Variants in BRD1 observed in about 807,000 individuals in gnomAD.
The protein encoded by BRD1 is bromodomain-containing protein 1.
In BRD1, 24 loss-of-function variants were observed where a neutral mutation model predicts 107.7. The observed-to-expected ratio is 0.22, with a 90% confidence interval of 0.16 to 0.31. The LOEUF is 0.31. Ranked by LOEUF, BRD1 falls within the 10% of genes least tolerant of loss-of-function variation. The pLI is 1.00. For missense variants in BRD1, 1,279 were observed against 1,638.6 expected, an observed-to-expected ratio of 0.78 and a Z score of 3.79; for synonymous variants, 744 against 686.1, an observed-to-expected ratio of 1.08 and a Z score of -1.32.
Position 49,823,966 on chromosome 22 carries a change from G to A in BRD1, c.352C>T (p.Pro118Ser), listed in dbSNP as rs756646290. Residue 118 changes from proline to serine, a missense_variant, in exon 2 of 13, where the codon CCG (proline) becomes TCG (serine). Around this residue, in one of 7 missense-constraint regions of BRD1, gnomAD observed 223 missense variants for 263.5 expected, o/e 0.85. Coordinates refer to ENST00000404760, the MANE Select transcript of BRD1 (RefSeq NM_001304808.3). ...TCCACGATGCGCACCTTGGGCTCCGGGAGGGCACTGGCCGAGGCCGGCGTG... is the reference window on the plus strand; with the variant it reads ...TCCACGATGCGCACCTTGGGCTCCGAGAGGGCACTGGCCGAGGCCGGCGTG... ...HGTPASASALPEPKVRIVEYS... is the reference protein window; with the variant it reads ...HGTPASASALSEPKVRIVEYS... 1 of 1,614,064 alleles carries A rather than the reference G, an allele frequency of 6.2e-7. No individual in the cohort carries two copies.
Position 49,824,505 on chromosome 22 carries a change from G to A in BRD1, c.-14-174C>T. 8 of 1,424,378 alleles carry A rather than the reference G, an allele frequency of 5.6e-6. No individual in the cohort carries two copies. Among genetic ancestry groups the A allele is most frequent in the East Asian group, 5.1e-5 (2 of 39,040 alleles). 88.2% of individuals were successfully genotyped at this position (1,424,378 alleles called of 1,614,324 possible). ...AAACCACACATCCAGGCCTGAGCGA[G>A]TCCCCAGGACCAGGGAGGGAGCAGC... On this transcript the variant is annotated intron_variant, in intron 1 of 12. Transcript: ENST00000404760. The surrounding 1 kb of genome is among the most constrained non-coding windows in gnomAD (Gnocchi z 5.9).
At chr22:49,779,011 C>T (rs571702204) in intron 8 of BRD1, among the ~76,000 whole-genome samples, 12 of 152,206 alleles carry the variant, frequency 7.9e-5, no homozygotes, top group Admixed American at 3.3e-4. Context: ...CTACCTACCT[C>T]ATCCTTAAAA....
chr22:49,798,850 C>T, intron 4 of BRD1, 138 bp downstream of exon 4: 1 of 1,435,018 alleles, frequency 7.0e-7, no homozygotes, highest in Non-Finnish European at 9.1e-7. Context: ...GGCAGCCAGG[C>T]ACCCAGCCTG....
At chr22:49,807,961 C>T (rs2059775622) in intron 2 of BRD1, among the ~76,000 whole-genome samples, 1 of 151,996 alleles carries the variant, frequency 6.6e-6, no homozygotes, top group African/African-American at 2.4e-5. Context: ...CACAGAAATG[C>T]AAATCCAAAC....
chr22:49,776,298 C>T (rs1022823989), intron 10 of BRD1, 139 bp from the exon 11 acceptor site: 5 of 710,362 alleles, frequency 7.0e-6, no homozygotes, highest in Admixed American at 2.1e-5. Context: ...ACCCCGGCAG[C>T]ACCACTGCCT....
rs962102859 is a variant in BRD1, at chr22:49,789,296, G to A, written c.2360-1409C>T. 3.3e-5 allele frequency among the ~76,000 whole-genome samples: 5 copies of A among 152,204 alleles called. No individual in the cohort carries two copies. In the East Asian group the frequency reaches 7.7e-4, roughly 23 times the overall value. ...AGGAAAAGGTGTTTGTGAAACACCTGGGAACACTGGCCGGAGGGAACTGGG... is the reference window on the plus strand; with the variant it reads ...AGGAAAAGGTGTTTGTGAAACACCTAGGAACACTGGCCGGAGGGAACTGGG... On this transcript the variant is annotated intron_variant, in intron 7 of 12. Coordinates refer to ENST00000404760, the MANE Select transcript of BRD1 (RefSeq NM_001304808.3).
At chr22:49,818,626 G>A (rs1193825966) in intron 2 of BRD1, among the ~76,000 whole-genome samples, 4 of 152,134 alleles carry the variant, frequency 2.6e-5, no homozygotes, top group African/African-American at 4.8e-5. Context: ...GGTGGCTCAC[G>A]CCTCTAATCC....
In BRD1 at chr22:49,803,670, T is replaced by C. The variant is rs1393193842; in HGVS notation, c.1524+534A>G. Among the ~76,000 whole-genome samples, 1 of 151,996 alleles carries C rather than the reference T, an allele frequency of 6.6e-6. No homozygotes were observed. Among genetic ancestry groups the C allele is most frequent in the Non-Finnish European group, 1.5e-5 (1 of 68,000 alleles). ...AAAAGTCCTGCTCCTTCCCTCCCAC[T>C]CTCTCAGCTCTCTCGAGCCCTCCCC... On this transcript the variant is annotated intron_variant, in intron 3 of 12. Coordinates refer to ENST00000404760, the MANE Select transcript of BRD1 (RefSeq NM_001304808.3). The surrounding 1 kb of genome is among the most constrained non-coding windows in gnomAD (Gnocchi z 4.4).
At chr22:49,802,147 GC>G (rs2059654524) in intron 3 of BRD1, among the ~76,000 whole-genome samples, 1 of 151,534 alleles carries the variant, frequency 6.6e-6, no homozygotes, top group African/African-American at 2.4e-5. Flanking sequence ...GGAGACCAAT[GC>G]CTCCACTCTC....
chr22:49,779,408 A>G (rs1396959987), intron 8 of BRD1, among the ~76,000 whole-genome samples: 1 of 152,206 alleles, frequency 6.6e-6, no homozygotes, highest in African/African-American at 2.4e-5. Context: ...AAGGGAATGC[A>G]CAGATTGGGC....
intron 2 of BRD1, among the ~76,000 whole-genome samples, chr22:49,807,642 T>C (rs1601701654): frequency 1.3e-5 from 2 of 152,120 alleles, no homozygotes; most frequent in Non-Finnish European, 2.9e-5. Context: ...ACATAAGACC[T>C]AAAACTATAA....
chr22:49,774,438 C>G (rs773888001), intron 12 of BRD1, 22 bp from the exon 13 acceptor site: 32 of 1,595,808 alleles, frequency 2.0e-5, no homozygotes, highest in Non-Finnish European at 2.7e-5. Context: ...GAAAAACAAG[C>G]GGAAAATCAT....
chr22:49,823,794 C>A lies in BRD1; in HGVS notation c.524G>T (p.Gly175Val), dbSNP rs2060112531. The change falls in exon 2 of 13, where the codon GGC (glycine) becomes GTC (valine). Residue 175 changes from glycine to valine, a missense_variant. Physicochemically the swap from Gly to Val is moderately radical, Grantham distance 109. Transcript: ENST00000404760. ...WLEIVNEKRK[G>V]DCVPAVSQSM... ...CTGCGACACGGCGGGGACGCAGTCG[C>A]CCTTGCGCTTCTCATTGACGATCTC... 6.2e-7 allele frequency: 1 copy of A among 1,614,032 alleles called. No individual in the cohort carries two copies. Among genetic ancestry groups the A allele is most frequent in the Non-Finnish European group, 8.5e-7 (1 of 1,180,052 alleles).
chr22:49,805,764 T>C (rs1306809079), intron 2 of BRD1: 1 of 147,922 alleles, frequency 6.8e-6, no homozygotes, highest in Non-Finnish European at 1.5e-5. Flanking sequence ...TTTTTTGAGA[T>C]GGAGTCTCAC....
At chr22:49,793,590 C>A (rs966120349) in intron 7 of BRD1, among the ~76,000 whole-genome samples, 7 of 152,204 alleles carry the variant, frequency 4.6e-5, no homozygotes, top group Non-Finnish European at 1.0e-4. Context: ...TAATCTAAAA[C>A]AGCCCTTTCA....
At chr22:49,780,163 C>T (rs912205402) in intron 8 of BRD1, among the ~76,000 whole-genome samples, 4 of 152,162 alleles carry the variant, frequency 2.6e-5, no homozygotes, top group Admixed American at 6.5e-5. Context: ...CGAGATCACC[C>T]GCAGCTGTGC....
chr22:49,811,236 G>C (rs1245552005), intron 2 of BRD1, among the ~76,000 whole-genome samples: 2 of 152,208 alleles, frequency 1.3e-5, no homozygotes, highest in Non-Finnish European at 2.9e-5. Flanking sequence ...GGCTGCCAGG[G>C]CTGGGGGAGG....
rs549488621 is a variant in BRD1 at position 49,818,016 on chromosome 22, G to C, written c.1367+4935C>G. On this transcript the variant is annotated intron_variant, in intron 2 of 12. Coordinates refer to ENST00000404760, the MANE Select transcript of BRD1 (RefSeq NM_001304808.3). ...AAGTCACTCTAATTTAAATGCATGA[G>C]GAGAATATCTAGGTATTTAAAGTTC... Among the ~76,000 whole-genome samples, 8 of 152,328 alleles carry C rather than the reference G, an allele frequency of 5.3e-5. No homozygotes were observed. In the South Asian group the frequency reaches 1.5e-3, roughly 28 times the overall value.
chr22:49,774,553 C>T (rs955065716), intron 12 of BRD1, 137 bp from the exon 13 acceptor site: 11 of 981,650 alleles, frequency 1.1e-5, no homozygotes, highest in Admixed American at 2.7e-5. Context: ...AGCTGGGCCC[C>T]GTGCAGGGAC....
Sources: allele counts gnomAD v4.1 joint callset (sites outside exome capture counted in the v4.1 genomes callset), GRCh38; gene constraint gnomAD v4.1.1; regional missense constraint gnomAD v4.1.1; non-coding constraint Gnocchi (gnomAD v3.1); transcripts MANE v1.5; gene names NCBI Gene and HGNC (gene_info 2026-07-23, HGNC 2026-07-21).